Variants in C4orf51 observed in about 807,000 individuals in gnomAD.
C4orf51 encodes chromosome 4 open reading frame 51, also known as uncharacterized protein C4orf51.
A neutral mutation model predicts 25.2 loss-of-function variants in C4orf51; 25 were observed. That is an observed-to-expected ratio of 0.99 (90% CI 0.72 to 1.39). C4orf51 has a LOEUF of 1.39. Among genes scored for constraint, C4orf51 ranks in the 40% most tolerant of loss-of-function variants. The probability of loss-of-function intolerance (pLI) is 0.00; values close to 1 mark genes in which losing one functional copy is unlikely to be tolerated. For synonymous variants in C4orf51, 100 were observed against 84.5 expected, an observed-to-expected ratio of 1.18 and a Z score of -1.01; for missense variants, 252 against 239.6, an observed-to-expected ratio of 1.05 and a Z score of -0.34.
chr4:145,695,716 G>A (rs2126688141), intron 1 of C4orf51, among the ~76,000 whole-genome samples: 1 of 152,274 alleles, frequency 6.6e-6, no homozygotes, highest in Non-Finnish European at 1.5e-5. Context: ...GCATGCAAAT[G>A]TTCATTGCAG....
chr4:145,723,237 A>G (rs4835251), intron 2 of C4orf51, among the ~76,000 whole-genome samples: 59,988 of 151,938 alleles, frequency 0.39, 13,226 homozygotes, highest in African/African-American at 0.6. Context: ...GCTGCTTCTA[A>G]GTTGTATTGT....
chr4:145,780,780 T>G, the C4orf51 span, among the ~76,000 whole-genome samples: 1 of 152,234 alleles, frequency 6.6e-6, no homozygotes, highest in Admixed American at 6.5e-5. Flanking sequence ...ACTAAGTTAA[T>G]ATCTTGTCTT....
downstream of C4orf51, among the ~76,000 whole-genome samples, chr4:145,736,949 G>C (rs1401020278): frequency 6.6e-6 from 1 of 152,160 alleles, no homozygotes; most frequent in East Asian, 1.9e-4. Flanking sequence ...CCCTGGCGGC[G>C]AGAGTCCTCT....
intron 2 of C4orf51, among the ~76,000 whole-genome samples, chr4:145,721,344 CAAAAA>C (rs11299166): frequency 9.3e-6 from 1 of 107,374 alleles, no homozygotes; most frequent in Non-Finnish European, 2.0e-5. Flanking sequence ...GACTCTGTCT[CAAAAA>C]AAAAAAAAAA....
downstream of C4orf51, among the ~76,000 whole-genome samples, chr4:145,734,523 C>T (rs1391438997): frequency 1.3e-5 from 2 of 152,184 alleles, no homozygotes; most frequent in Non-Finnish European, 2.9e-5. Context: ...CCCAGTCCCT[C>T]AGCCGCAGTC....
intron 2 of C4orf51, among the ~76,000 whole-genome samples, chr4:145,717,973 A>G (rs1731508553): frequency 6.6e-6 from 1 of 152,220 alleles, no homozygotes; most frequent in Non-Finnish European, 1.5e-5. Flanking sequence ...ACAGATTCTA[A>G]TATGTTTTAT....
downstream of C4orf51, among the ~76,000 whole-genome samples, chr4:145,735,680 G>C (rs1481270107): frequency 6.6e-6 from 1 of 152,200 alleles, no homozygotes; most frequent in African/African-American, 2.4e-5. Flanking sequence ...CAGCCCTATG[G>C]AACAGGGACT....
At chr4:145,736,631 A>G (rs1483338132), downstream of C4orf51, among the ~76,000 whole-genome samples, 1 of 152,048 alleles carries the variant, frequency 6.6e-6, no homozygotes, top group East Asian at 1.9e-4. Context: ...AGGACTCAAT[A>G]TTTGCTCTCC....
chr4:145,744,648 C>T (rs980300086), intron 1 of C4orf51, among the ~76,000 whole-genome samples: 51 of 151,876 alleles, frequency 3.4e-4, no homozygotes, highest in African/African-American at 8.5e-4. Context: ...GGTAAAACCC[C>T]GTCTCTACAA....
chr4:145,720,757 T>G (rs999898681), intron 2 of C4orf51, among the ~76,000 whole-genome samples: 6 of 152,176 alleles, frequency 3.9e-5, no homozygotes, highest in Non-Finnish European at 8.8e-5. Flanking sequence ...GCTTCCATTT[T>G]CAACAAAGGA....
intron 1 of C4orf51, among the ~76,000 whole-genome samples, chr4:145,684,013 C>T (rs1255008840): frequency 6.6e-6 from 1 of 151,982 alleles, no homozygotes; most frequent in African/African-American, 2.4e-5. Flanking sequence ...TCCAAAATAA[C>T]AAACATTTGA....
the C4orf51 span, among the ~76,000 whole-genome samples, chr4:145,780,861 G>A: frequency 6.6e-6 from 1 of 152,218 alleles, no homozygotes; most frequent in African/African-American, 2.4e-5. Flanking sequence ...ACCATGTGGT[G>A]ATAATTGAAT....
chr4:145,735,112 G>T (rs1409958462), downstream of C4orf51, among the ~76,000 whole-genome samples: 1 of 152,184 alleles, frequency 6.6e-6, no homozygotes. Context: ...AGCATGTATT[G>T]TAGTGGAGAC....
chr4:145,775,425 A>T (rs1049375132), downstream of C4orf51, among the ~76,000 whole-genome samples: 2 of 151,044 alleles, frequency 1.3e-5, no homozygotes, highest in African/African-American at 4.9e-5. Context: ...ATATTTCCTC[A>T]GCTTTTTTTT....
intron 1 of C4orf51, among the ~76,000 whole-genome samples, chr4:145,768,916 T>TATATATATATATATATATATAAAA (rs34051922): frequency 0.021 from 727 of 34,198 alleles, 93 homozygotes; most frequent in Non-Finnish European, 0.024. Context: ...TATATATATA[T>TATATATATATATATATATATAAAA]TAGGTATACA....
chr4:145,765,175 C>G lies in C4orf51; in HGVS notation n.167-5813C>G. 3.1e-6 allele frequency: 5 copies of G among 1,595,146 alleles called. No homozygotes were observed. The highest frequency in any genetic ancestry group is 3.4e-6 in the Non-Finnish European group (4 of 1,170,318). The stretch of plus-strand genomic sequence containing the variant: ...AAAACACATTCGAACCCTGCAAGGA[C>G]CGAAGCTGGGTATAGAGGTGCACAG... On this transcript the variant is annotated intron_variant and non_coding_transcript_variant, in intron 1 of 1. Transcript: ENST00000510096. This position sits in a 1 kb window ranked among gnomAD's most constrained non-coding sequence, Gnocchi z 4.7.
chr4:145,787,280 T>C, the C4orf51 span, among the ~76,000 whole-genome samples: 5 of 152,048 alleles, frequency 3.3e-5, no homozygotes, highest in Non-Finnish European at 5.9e-5. Context: ...CTGGCCAACA[T>C]AGTGACACCC....
At chr4:145,775,698 C>G (rs1736958456), downstream of C4orf51, 1 of 1,470,340 alleles carries the variant, frequency 6.8e-7, no homozygotes, top group Non-Finnish European at 9.3e-7. Context: ...AGAAAAGGGG[C>G]CTCGTGATGT....
In C4orf51 at chr4:145,729,888, C is replaced by T. The variant is rs1732364591; in HGVS notation, c.428-4C>T. 1.9e-6 allele frequency: 3 copies of T among 1,613,024 alleles called. No individual in the cohort carries two copies. Among genetic ancestry groups the T allele is most frequent in the Non-Finnish European group, 2.5e-6 (3 of 1,179,032 alleles). Reference sequence around the variant, plus strand: ...CTCACACATTGGCTATCTCTTCACCCTAGGTGTGAGACCTAAAAAGCCAGC... The same window carrying T: ...CTCACACATTGGCTATCTCTTCACCTTAGGTGTGAGACCTAAAAAGCCAGC... On this transcript the variant is annotated splice_region_variant and splice_polypyrimidine_tract_variant and intron_variant, in intron 4 of 5. Coordinates refer to ENST00000438731, the MANE Select transcript of C4orf51 (RefSeq NM_001080531.3).
Sources: gnomAD v4.1 joint callset for allele counts (sites outside exome capture counted in the v4.1 genomes callset) on GRCh38, gnomAD v4.1.1 for gene constraint, Gnocchi (gnomAD v3.1) non-coding constraint, MANE v1.5 for transcripts, NCBI Gene and HGNC (gene_info 2026-07-23, HGNC 2026-07-21) for gene names.